Variants in GPC6 observed in about 807,000 individuals in gnomAD.
GPC6 encodes the protein glypican 6, also known as glypican-6.
GPC6 carries 14 observed loss-of-function variants against 55.2 expected under a neutral mutation model. The ratio of observed to expected loss-of-function variants is 0.25; its 90% CI spans 0.17 to 0.40. The LOEUF (loss-of-function observed/expected upper bound fraction) is 0.40. Among genes scored for constraint, GPC6 ranks in the 10% least tolerant of loss-of-function variants. GPC6 has a pLI of 1.00. For missense variants in GPC6, 641 were observed against 708.5 expected (o/e 0.90, Z 1.08); for synonymous variants, 278 against 259.6 (o/e 1.07, Z -0.68).
At chr13:93,770,125 C>T (rs1471828912) in intron 2 of GPC6, among the ~76,000 whole-genome samples, 1 of 152,082 alleles carries the variant, frequency 6.6e-6, no homozygotes. Context: ...TCCATCTTTC[C>T]ATCCTAATTA....
At chr13:93,829,645 T>TA (rs1887405151) in intron 2 of GPC6, among the ~76,000 whole-genome samples, 2 of 152,228 alleles carry the variant, frequency 1.3e-5, no homozygotes, top group African/African-American at 4.8e-5. Context: ...AATTGATTGC[T>TA]ATATATAGAA....
At chr13:93,420,249 A>G (rs1876877865) in intron 1 of GPC6, among the ~76,000 whole-genome samples, 1 of 152,172 alleles carries the variant, frequency 6.6e-6, no homozygotes, top group African/African-American at 2.4e-5. Context: ...GTTTCTTTAT[A>G]AATATATGTA....
At chr13:94,012,746 A>C (rs887674426) in intron 3 of GPC6, among the ~76,000 whole-genome samples, 1 of 152,198 alleles carries the variant, frequency 6.6e-6, no homozygotes, top group African/African-American at 2.4e-5. Context: ...AAAATGGCAC[A>C]TCCCCTTACT....
chr13:93,395,071 A>G, intron 1 of GPC6: 1 of 264,014 alleles, frequency 3.8e-6, no homozygotes, highest in Non-Finnish European at 7.5e-6. Context: ...GACTGTTGTA[A>G]TTGCCAAAAT....
At chr13:94,198,221 G>A (rs773147001) in intron 4 of GPC6, among the ~76,000 whole-genome samples, 157 of 151,996 alleles carry the variant, frequency 1.0e-3, no homozygotes, top group Non-Finnish European at 1.4e-3. Context: ...GTGGTCACAG[G>A]TTGTATATAA....
chr13:94,040,469 C>G (rs1883491998), intron 4 of GPC6, among the ~76,000 whole-genome samples: 1 of 151,760 alleles, frequency 6.6e-6, no homozygotes. Context: ...TTTAAGAATG[C>G]CCTAGAGTAT....
chr13:93,531,028 C>T (rs928908552), intron 1 of GPC6, among the ~76,000 whole-genome samples: 4 of 151,952 alleles, frequency 2.6e-5, no homozygotes, highest in African/African-American at 7.3e-5. Context: ...CTGACACTGA[C>T]GGATACTGAA....
At chr13:94,093,586 C>G (rs757021526) in intron 4 of GPC6, among the ~76,000 whole-genome samples, 22 of 151,910 alleles carry the variant, frequency 1.4e-4, no homozygotes, top group Non-Finnish European at 2.6e-4. Context: ...TATAGTGAGT[C>G]TTTTGTGTTT....
rs562140084 is a variant in GPC6 at position 93,560,737 on chromosome 13, G to T, written c.319+15316G>T. 2.0e-5 allele frequency among the ~76,000 whole-genome samples: 3 copies of T among 147,180 alleles called. No individual in the cohort carries two copies. In the South Asian group the frequency reaches 6.5e-4, roughly 32 times the overall value. ...GCCGAGATCATGACACTGCACTCCA[G>T]CCTGGGCGACAGAGCGAGACTCCGC... On this transcript the variant is annotated intron_variant, in intron 2 of 8. Transcript: ENST00000377047.
At chr13:94,282,681 G>A (rs1201305127) in intron 4 of GPC6, among the ~76,000 whole-genome samples, 1 of 152,166 alleles carries the variant, frequency 6.6e-6, no homozygotes, top group African/African-American at 2.4e-5. Context: ...TATATGTCTG[G>A]CACCTTGGCA....
At chr13:94,328,922 C>G (rs758072754) in intron 6 of GPC6, among the ~76,000 whole-genome samples, 1 of 152,132 alleles carries the variant, frequency 6.6e-6, no homozygotes, top group East Asian at 1.9e-4. Context: ...TCCCTTTGAG[C>G]GACAGGACTG....
At chr13:93,859,468 A>G (rs1311153766) in intron 3 of GPC6, among the ~76,000 whole-genome samples, 1 of 151,668 alleles carries the variant, frequency 6.6e-6, no homozygotes, top group African/African-American at 2.4e-5. Context: ...AATTGGCTTA[A>G]AGTAAAAGAA....
At chr13:93,456,051 G>A (rs1033411190) in intron 1 of GPC6, among the ~76,000 whole-genome samples, 1 of 152,172 alleles carries the variant, frequency 6.6e-6, no homozygotes, top group Non-Finnish European at 1.5e-5. Context: ...AGCCAGCTTT[G>A]TAGCTGTTTA....
chr13:94,343,002 A>G (rs1425224627), intron 6 of GPC6, among the ~76,000 whole-genome samples: 1 of 152,230 alleles, frequency 6.6e-6, no homozygotes, highest in Non-Finnish European at 1.5e-5. Flanking sequence ...ACTGGAAAAC[A>G]TATCTGAAAA....
intron 1 of GPC6, among the ~76,000 whole-genome samples, chr13:93,458,063 C>T (rs1343599811): frequency 2.0e-5 from 3 of 152,080 alleles, no homozygotes; most frequent in Admixed American, 6.5e-5. Context: ...GTTGGATATA[C>T]TATGGCAATT....
At chr13:94,353,656 C>T (rs906487861) in intron 6 of GPC6, among the ~76,000 whole-genome samples, 13 of 152,160 alleles carry the variant, frequency 8.5e-5, no homozygotes, top group African/African-American at 2.4e-4. Context: ...CTTACCCCTT[C>T]AAATTGGAAT....
At chr13:93,518,248 A>G (rs1413067411) in intron 1 of GPC6, among the ~76,000 whole-genome samples, 1 of 151,850 alleles carries the variant, frequency 6.6e-6, no homozygotes, top group African/African-American at 2.4e-5. Flanking sequence ...ATCATTATCT[A>G]TGTCCTGTTT....
chr13:93,477,450 G>A (rs1176248907), intron 1 of GPC6, among the ~76,000 whole-genome samples: 1 of 152,078 alleles, frequency 6.6e-6, no homozygotes. Context: ...CCTCTGGTTT[G>A]GGCTGATAGT....
chr13:94,325,152 G>A lies in GPC6; in HGVS notation c.1152+19029G>A, dbSNP rs181643654. Among the ~76,000 whole-genome samples, 180 of 151,896 alleles carry A rather than the reference G, an allele frequency of 1.2e-3. 1 individual carries two copies. Among genetic ancestry groups the A allele is most frequent in the South Asian group, 4.8e-3 (23 of 4,818 alleles). On this transcript the variant is annotated intron_variant, in intron 6 of 8. Transcript: ENST00000377047. ...AAGAAAAGGGAAGGAAGGGAGGAGA[G>A]GAGGGAGGGAGGGAGAAAGGAGGAA... is the stretch of plus-strand genomic sequence containing the variant.
Sources: gnomAD v4.1 joint callset for allele counts (sites outside exome capture counted in the v4.1 genomes callset) on GRCh38, gnomAD v4.1.1 for gene constraint, MANE v1.5 for transcripts, NCBI Gene and HGNC (gene_info 2026-07-23, HGNC 2026-07-21) for gene names.